NRXN3: variants seen among roughly 807,000 people sequenced by gnomAD.
The protein encoded by NRXN3 is neurexin III.
A neutral mutation model predicts 137.6 loss-of-function variants in NRXN3; 32 were observed. The observed-to-expected ratio is 0.23, with a 90% CI of 0.18 to 0.31. NRXN3 has a LOEUF of 0.31. Among genes scored for constraint, NRXN3 ranks in the 10% least tolerant of loss-of-function variants. The pLI is 1.00. For synonymous variants in NRXN3, 798 were observed against 784.5 expected, an observed-to-expected ratio of 1.02 and a Z score of -0.29; for missense variants, 1,574 against 2,062.5, an observed-to-expected ratio of 0.76 and a Z score of 4.59.
chr14:79,740,711 TTTATATATATATATATATATATA>T (rs1182077919), intron 19 of NRXN3, among the ~76,000 whole-genome samples: 2 of 14,916 alleles, frequency 1.3e-4, no homozygotes, highest in Non-Finnish European at 2.2e-4. Flanking sequence ...CATTTAGTTT[TTTATATATATATATATATATATA>T]TATATATATA....
At chr14:79,486,079 A>G (rs902356083) in intron 16 of NRXN3, among the ~76,000 whole-genome samples, 7 of 152,140 alleles carry the variant, frequency 4.6e-5, no homozygotes, top group African/African-American at 1.7e-4. Context: ...ATTAAGAAAC[A>G]TCATTAAACA....
At chr14:79,188,263 C>A (rs1671214033) in intron 15 of NRXN3, among the ~76,000 whole-genome samples, 1 of 151,996 alleles carries the variant, frequency 6.6e-6, no homozygotes, top group African/African-American at 2.4e-5. Flanking sequence ...AAATATAAGA[C>A]CTAGCATTAA....
At chr14:79,851,558 T>G (rs2099391446) in intron 20 of NRXN3, among the ~76,000 whole-genome samples, 1 of 152,122 alleles carries the variant, frequency 6.6e-6, no homozygotes. Flanking sequence ...TCCTCAAAAT[T>G]TACTCTATTT....
chr14:79,492,101 T>G (rs755105150), intron 16 of NRXN3, among the ~76,000 whole-genome samples: 5 of 152,204 alleles, frequency 3.3e-5, no homozygotes, highest in Non-Finnish European at 5.9e-5. Context: ...TTTTTGTTAC[T>G]GTTAAATTTG....
chr14:78,175,157 A>G (rs568046005), intron 1 of NRXN3, among the ~76,000 whole-genome samples: 4 of 152,022 alleles, frequency 2.6e-5, no homozygotes, highest in East Asian at 3.9e-4. Context: ...ATTAGTAATT[A>G]TAAGTGAAAT....
intron 6 of NRXN3, among the ~76,000 whole-genome samples, chr14:78,681,013 T>G (rs2098069400): frequency 6.6e-6 from 1 of 152,194 alleles, no homozygotes; most frequent in South Asian, 2.1e-4. Context: ...AGATGTAGTA[T>G]TCACTAAAAC....
At chr14:79,216,093 C>T (rs989341537) in intron 15 of NRXN3, among the ~76,000 whole-genome samples, 3 of 152,130 alleles carry the variant, frequency 2.0e-5, no homozygotes. Flanking sequence ...CTGGGAAGAA[C>T]TGAGGAGCTA....
chr14:78,511,097 A>G (rs892280026), intron 4 of NRXN3, among the ~76,000 whole-genome samples: 15 of 152,174 alleles, frequency 9.9e-5, no homozygotes, highest in Non-Finnish European at 4.4e-5. Context: ...TGTCACTGAG[A>G]AGATGTTTAT....
intron 16 of NRXN3, among the ~76,000 whole-genome samples, chr14:79,654,566 A>G (rs1035400763): frequency 6.6e-6 from 1 of 152,154 alleles, no homozygotes; most frequent in African/African-American, 2.4e-5. Context: ...ACAGGGAACA[A>G]TTATATTTGG....
intron 17 of NRXN3, among the ~76,000 whole-genome samples, chr14:79,667,899 C>G (rs1461695961): frequency 1.3e-5 from 2 of 152,036 alleles, no homozygotes; most frequent in Non-Finnish European, 2.9e-5. Context: ...TATCTTCTCT[C>G]TGCTGTGAGT....
intron 16 of NRXN3, among the ~76,000 whole-genome samples, chr14:79,643,388 A>G (rs930662433): frequency 2.2e-5 from 3 of 134,896 alleles, no homozygotes; most frequent in African/African-American, 7.4e-5. Flanking sequence ...CTGAGATCTC[A>G]TGCCATCTGT....
chr14:78,518,406 G>C (rs888914392), intron 4 of NRXN3, among the ~76,000 whole-genome samples: 1 of 152,090 alleles, frequency 6.6e-6, no homozygotes. Flanking sequence ...ATCCAGTCCG[G>C]AGTTACAGGA....
intron 10 of NRXN3, among the ~76,000 whole-genome samples, chr14:78,937,199 A>C (rs1008734750): frequency 2.6e-5 from 4 of 151,854 alleles, no homozygotes; most frequent in Non-Finnish European, 2.9e-5. Flanking sequence ...AAAAAAAAAA[A>C]AAAGAAACAA....
chr14:79,224,706 T>C (rs917060026), intron 15 of NRXN3, among the ~76,000 whole-genome samples: 3 of 152,036 alleles, frequency 2.0e-5, no homozygotes, highest in Non-Finnish European at 4.4e-5. Context: ...TGTATCCTTA[T>C]AATAAAAAGG....
At chr14:78,414,401 A>T (rs552093516) in intron 4 of NRXN3, among the ~76,000 whole-genome samples, 2 of 152,238 alleles carry the variant, frequency 1.3e-5, no homozygotes, top group South Asian at 2.1e-4. Flanking sequence ...CCTAGAACTG[A>T]TACATTGTGT....
At chr14:78,864,709 G>A (rs77554054) in intron 10 of NRXN3, among the ~76,000 whole-genome samples, 8,079 of 152,186 alleles carry the variant, frequency 0.053, 378 homozygotes, top group East Asian at 0.25. Context: ...AAGACCCAAA[G>A]AAACAGGGAA....
intron 15 of NRXN3, among the ~76,000 whole-genome samples, chr14:79,113,557 C>G (rs74631238): frequency 0.016 from 2,479 of 152,274 alleles, 55 homozygotes; most frequent in African/African-American, 0.056. Context: ...ATGATGTCTT[C>G]ACATCACTAC....
chr14:79,706,121 TG>T (rs915307330), intron 19 of NRXN3, among the ~76,000 whole-genome samples: 102 of 152,296 alleles, frequency 6.7e-4, no homozygotes, highest in African/African-American at 2.4e-3. Context: ...CTGGGTTTGC[TG>T]CTCTTGGATC....
intron 8 of NRXN3, among the ~76,000 whole-genome samples, chr14:78,779,316 G>A (rs1335497327): frequency 1.3e-5 from 2 of 151,954 alleles, no homozygotes; most frequent in South Asian, 2.1e-4. Context: ...AATATAGTCA[G>A]CATATTTATT....
Sources: gnomAD v4.1 joint callset for allele counts (sites outside exome capture counted in the v4.1 genomes callset) on GRCh38, gnomAD v4.1.1 for gene constraint, MANE v1.5 for transcripts, NCBI Gene and HGNC (gene_info 2026-07-23, HGNC 2026-07-21) for gene names.